The following PPP3R1 variants were observed in gnomAD, a reference collection of about 807,000 sequenced individuals.
PPP3R1 encodes the protein calcineurin subunit B type 1.
A neutral mutation model predicts 22.6 loss-of-function variants in PPP3R1; 5 were observed. The observed-to-expected ratio is 0.22, with a 90% CI of 0.12 to 0.46. The LOEUF is 0.46. PPP3R1 is among the 20% of genes least tolerant of loss of function. The pLI is 0.99. For missense variants in PPP3R1, 61 were observed against 203.2 expected (o/e 0.30, Z 4.25); for synonymous variants, 56 against 65.2 (o/e 0.86, Z 0.68).
chr2:68,198,113 T>C (rs1293901438), intron 2 of PPP3R1, among the ~76,000 whole-genome samples: 4 of 123,130 alleles, frequency 3.2e-5, no homozygotes, highest in African/African-American at 1.3e-4. Flanking sequence ...AACATATATA[T>C]GTAAATATAT....
At position 68,239,326 on chromosome 2, in the gene PPP3R1, A is replaced by G. The variant is rs571813303; in HGVS notation, c.3+12799T>C. On this transcript the variant is annotated intron_variant, in intron 1 of 5. Coordinates refer to ENST00000234310, the MANE Select transcript of PPP3R1 (RefSeq NM_000945.4). ...GTTTCCCTGTTTACTGACAGAATAT[A>G]AGTCAATTTGTGTTACAGAAATAAA... is the stretch of plus-strand genomic sequence containing the variant. Among the ~76,000 whole-genome samples the G allele has an allele frequency of 2.0e-5, 3 of 152,336 alleles. No homozygotes were observed. In the East Asian group the frequency reaches 5.8e-4, roughly 29 times the overall value.
chr2:68,216,482 A>G (rs539616122), intron 2 of PPP3R1, among the ~76,000 whole-genome samples: 1 of 151,682 alleles, frequency 6.6e-6, no homozygotes, highest in Non-Finnish European at 1.5e-5. Flanking sequence ...AAAATTAAAA[A>G]AAAAAAAGGA....
chr2:68,239,659 T>C (rs918127831), intron 1 of PPP3R1, among the ~76,000 whole-genome samples: 1 of 152,000 alleles, frequency 6.6e-6, no homozygotes, highest in Non-Finnish European at 1.5e-5. Context: ...AAGAAATAGA[T>C]GAAACTTTGG....
intron 2 of PPP3R1, among the ~76,000 whole-genome samples, chr2:68,207,783 T>C (rs1669341779): frequency 6.6e-6 from 1 of 152,222 alleles, no homozygotes; most frequent in East Asian, 1.9e-4. Context: ...GGAGGAATAA[T>C]TCACGTCACA....
At chr2:68,200,299 G>T (rs1329446752) in intron 2 of PPP3R1, among the ~76,000 whole-genome samples, 1 of 152,054 alleles carries the variant, frequency 6.6e-6, no homozygotes, top group African/African-American at 2.4e-5. Flanking sequence ...TTTCTAGATT[G>T]CTCCTTCAAA....
intron 1 of PPP3R1, among the ~76,000 whole-genome samples, chr2:68,219,030 T>A (rs931812428): frequency 6.6e-6 from 1 of 152,144 alleles, no homozygotes; most frequent in Non-Finnish European, 1.5e-5. Context: ...TCCAAAACAC[T>A]ACTGCAACCA....
chr2:68,200,685 A>T (rs1674956376), intron 2 of PPP3R1, among the ~76,000 whole-genome samples: 1 of 152,192 alleles, frequency 6.6e-6, no homozygotes, highest in African/African-American at 2.4e-5. Context: ...GTTCCATCTG[A>T]AGAGTCAGCA....
chr2:68,179,337 T>G lies in PPP3R1; in HGVS notation c.*1626A>C, dbSNP rs1285621731. 2 of 152,334 alleles carry G rather than the reference T, an allele frequency of 1.3e-5. No individual in the cohort carries two copies. The highest frequency in any genetic ancestry group is 6.5e-5 in the Admixed American group (1 of 15,278). The allele number at this position is 152,334 out of a possible 1,614,324, so 9.4% of individuals were successfully genotyped here. ...AGTTTGGCAACATTATCTTTTAAAA[T>G]TATGCAAATTATGTAAACAAGAGGT... is the stretch of plus-strand genomic sequence containing the variant. On this transcript the variant is annotated 3_prime_UTR_variant, in exon 6 of 6. Coordinates refer to ENST00000234310, the MANE Select transcript of PPP3R1 (RefSeq NM_000945.4).
chr2:68,198,472 CG>C (rs1420357376), intron 2 of PPP3R1, among the ~76,000 whole-genome samples: 1 of 148,124 alleles, frequency 6.8e-6, no homozygotes, highest in Non-Finnish European at 1.5e-5. Flanking sequence ...CGTATATATG[CG>C]TATGTATATA....
At chr2:68,234,341 C>CAA (rs755395230) in intron 1 of PPP3R1, among the ~76,000 whole-genome samples, 6 of 128,366 alleles carry the variant, frequency 4.7e-5, no homozygotes, top group African/African-American at 1.4e-4. Flanking sequence ...AGACTCCGTC[C>CAA]AAAAAAAAAA....
intron 2 of PPP3R1, among the ~76,000 whole-genome samples, chr2:68,190,001 G>C (rs531900038): frequency 6.6e-6 from 1 of 151,906 alleles, no homozygotes; most frequent in Admixed American, 6.6e-5. Context: ...AATACAAGCT[G>C]TTTTGACAGC....
At chr2:68,209,299 C>T (rs1669417513) in intron 2 of PPP3R1, among the ~76,000 whole-genome samples, 1 of 118,970 alleles carries the variant, frequency 8.4e-6, no homozygotes, top group Non-Finnish European at 1.6e-5. Flanking sequence ...GCGGAGCTTG[C>T]AGTGAGCCGA....
chr2:68,181,738 G>C (rs79250659), intron 5 of PPP3R1, among the ~76,000 whole-genome samples: 1 of 151,910 alleles, frequency 6.6e-6, no homozygotes, highest in Admixed American at 6.6e-5. Context: ...ACGATAACCA[G>C]ATATTATGAC....
chr2:68,214,028 A>G (rs1253179772), intron 2 of PPP3R1, among the ~76,000 whole-genome samples: 3 of 152,134 alleles, frequency 2.0e-5, no homozygotes, highest in Admixed American at 6.6e-5. Context: ...AATTTGACAA[A>G]AACAAGCAGT....
intron 1 of PPP3R1, among the ~76,000 whole-genome samples, chr2:68,250,116 T>C (rs4671888): frequency 0.75 from 113,048 of 151,608 alleles, 43,171 homozygotes; most frequent in African/African-American, 0.93. Context: ...GCCAACATTA[T>C]GTAGGTCCTG....
At chr2:68,227,194 T>C (rs1013712805) in intron 1 of PPP3R1, among the ~76,000 whole-genome samples, 2 of 152,074 alleles carry the variant, frequency 1.3e-5, no homozygotes, top group Non-Finnish European at 2.9e-5. Context: ...TTTCATTTCT[T>C]TGCCAGAAAA....
intron 2 of PPP3R1, among the ~76,000 whole-genome samples, chr2:68,190,464 G>A (rs996029661): frequency 1.3e-5 from 2 of 152,054 alleles, no homozygotes; most frequent in African/African-American, 4.8e-5. Flanking sequence ...TACTTGGGAG[G>A]CTGAGGCAGG....
At chr2:68,190,428 G>A (rs1277734241) in intron 2 of PPP3R1, among the ~76,000 whole-genome samples, 1 of 152,020 alleles carries the variant, frequency 6.6e-6, no homozygotes, top group Non-Finnish European at 1.5e-5. Context: ...AGCCGGGAGT[G>A]ATGGCAGGGC....
chr2:68,251,995 C>T, intron 1 of PPP3R1, 130 bp downstream of exon 1: 3 of 974,928 alleles, frequency 3.1e-6, no homozygotes, highest in Non-Finnish European at 3.9e-6. Flanking sequence ...CCGCGGGACC[C>T]GCCGGGCCCG....
Sources: gnomAD v4.1 joint callset for allele counts (sites outside exome capture counted in the v4.1 genomes callset) on GRCh38, gnomAD v4.1.1 for gene constraint, MANE v1.5 for transcripts, NCBI Gene and HGNC (gene_info 2026-07-23, HGNC 2026-07-21) for gene names.